Variants in DPP6 observed in about 807,000 individuals in gnomAD.
The protein encoded by DPP6 is dipeptidyl peptidase like 6.
In DPP6, 69 loss-of-function variants were observed where a neutral mutation model predicts 122.6. That is an observed-to-expected ratio of 0.56 (90% CI 0.46 to 0.69). The LOEUF is 0.69. Ranked by LOEUF, DPP6 falls within the 30% of genes least tolerant of loss-of-function variation. DPP6 has a pLI of 0.00. For synonymous variants in DPP6, 418 were observed against 433.1 expected (o/e 0.97, Z 0.43); for missense variants, 928 against 1,116.9 (o/e 0.83, Z 2.41).
At chr7:154,336,754 C>T (rs1021521624) in intron 1 of DPP6, among the ~76,000 whole-genome samples, 2 of 152,024 alleles carry the variant, frequency 1.3e-5, no homozygotes, top group Non-Finnish European at 2.9e-5. Context: ...GGGAGTTGGG[C>T]GGGCCATGGT....
At chr7:153,785,045 A>G in the DPP6 span, among the ~76,000 whole-genome samples, 2 of 152,214 alleles carry the variant, frequency 1.3e-5, no homozygotes. Flanking sequence ...ACAGTAATCA[A>G]TAGTAGATTA....
At chr7:154,338,578 T>G (rs1034261424) in intron 1 of DPP6, among the ~76,000 whole-genome samples, 1 of 152,218 alleles carries the variant, frequency 6.6e-6, no homozygotes, top group African/African-American at 2.4e-5. Context: ...CCAGTGTTAA[T>G]TTCCATCGCT....
intron 1 of DPP6, among the ~76,000 whole-genome samples, chr7:154,252,254 G>A (rs1228247293): frequency 1.3e-5 from 2 of 152,112 alleles, no homozygotes; most frequent in African/African-American, 4.8e-5. Flanking sequence ...GCGCACGGTG[G>A]TGGTGGTTGT....
At chr7:153,763,776 G>A in the DPP6 span, among the ~76,000 whole-genome samples, 14 of 152,288 alleles carry the variant, frequency 9.2e-5, no homozygotes, top group Non-Finnish European at 1.5e-4. Flanking sequence ...ACTGCCCAAC[G>A]GGTCTCAGAA....
chr7:154,456,069 C>T (rs931427806), intron 2 of DPP6, among the ~76,000 whole-genome samples: 2 of 152,172 alleles, frequency 1.3e-5, no homozygotes, highest in Non-Finnish European at 2.9e-5. Flanking sequence ...GCAGAGTTAC[C>T]ATACCATGTC....
intron 2 of DPP6, among the ~76,000 whole-genome samples, chr7:154,456,249 A>G (rs995049410): frequency 1.3e-5 from 2 of 152,180 alleles, no homozygotes; most frequent in African/African-American, 4.8e-5. Context: ...ACCATTGATC[A>G]CTTCTGCAGA....
intron 4 of DPP6, among the ~76,000 whole-genome samples, chr7:154,559,612 G>A (rs953539163): frequency 6.6e-6 from 1 of 152,062 alleles, no homozygotes; most frequent in Non-Finnish European, 1.5e-5. Flanking sequence ...GGAGCGAGAC[G>A]TGTTTGGAAG....
chr7:153,895,727 T>C (rs1799382253), intron 1 of DPP6, among the ~76,000 whole-genome samples: 1 of 78,184 alleles, frequency 1.3e-5, no homozygotes, highest in South Asian at 5.5e-4. Context: ...TGTGCATGCG[T>C]GCACACACAC....
intron 5 of DPP6, among the ~76,000 whole-genome samples, chr7:154,575,385 TGTGTGTGTA>T (rs1403391043): frequency 2.5e-5 from 2 of 79,886 alleles, no homozygotes; most frequent in Non-Finnish European, 4.9e-5. Flanking sequence ...ATGTGTGTGA[TGTGTGTGTA>T]GTGTGTGTGT....
intron 16 of DPP6, among the ~76,000 whole-genome samples, chr7:154,837,328 CAT>C (rs1801160312): frequency 6.6e-6 from 1 of 150,870 alleles, no homozygotes. Context: ...CATGCACACA[CAT>C]GCATAACATG....
chr7:154,101,457 A>G (rs1805718273), intron 1 of DPP6, among the ~76,000 whole-genome samples: 1 of 150,638 alleles, frequency 6.6e-6, no homozygotes, highest in Admixed American at 6.6e-5. Context: ...ATTCCACACA[A>G]TGGAAAGAGA....
intron 1 of DPP6, among the ~76,000 whole-genome samples, chr7:154,023,057 G>A (rs1487143455): frequency 6.6e-6 from 1 of 151,996 alleles, no homozygotes; most frequent in African/African-American, 2.4e-5. Flanking sequence ...AAGCTAGGAT[G>A]ACCTCTGGAT....
chr7:154,076,175 C>T lies in DPP6; in HGVS notation c.243+23112C>T, dbSNP rs3901691. 5.9e-3 allele frequency among the ~76,000 whole-genome samples: 883 copies of T among 150,314 alleles called. 5 individuals are homozygous for T. The highest frequency in any genetic ancestry group is 0.021 in the African/African-American group (847 of 39,768). Reference sequence around the variant, plus strand: ...ATTTTTTTTTAAAAAAAAGGCTGGGCGCAGTGCCTCACACCTATAATCCCA... The same window carrying T: ...ATTTTTTTTTAAAAAAAAGGCTGGGTGCAGTGCCTCACACCTATAATCCCA... On this transcript the variant is annotated intron_variant, in intron 1 of 25. Transcript: ENST00000377770.
intron 6 of DPP6, among the ~76,000 whole-genome samples, chr7:154,663,676 TG>T (rs1257636507): frequency 2.1e-5 from 1 of 46,708 alleles, no homozygotes; most frequent in Non-Finnish European, 8.3e-5. Flanking sequence ...CATATAGTCA[TG>T]GTGAATCACC....
rs1224989457 is a variant in DPP6 at position 154,624,740 on chromosome 7, A to G, written c.628-13081A>G. Among the ~76,000 whole-genome samples the G allele has an allele frequency of 6.6e-6, 1 of 152,214 alleles. No homozygotes were observed. The highest frequency in any genetic ancestry group is 1.5e-5 in the Non-Finnish European group (1 of 68,038). Reference sequence around the variant, plus strand: ...TGGAGCCTAGGAAACAGTGTCTCCCAGGAAGAAACCTGTTAATCTGCACCA... The same window carrying G: ...TGGAGCCTAGGAAACAGTGTCTCCCGGGAAGAAACCTGTTAATCTGCACCA... On this transcript the variant is annotated intron_variant, in intron 5 of 25. Coordinates refer to ENST00000377770, the MANE Select transcript of DPP6 (RefSeq NM_130797.4). The surrounding 1 kb of genome is among the most constrained non-coding windows in gnomAD (Gnocchi z 4.7).
chr7:154,028,694 T>G (rs28683511), intron 1 of DPP6, among the ~76,000 whole-genome samples: 5,417 of 151,592 alleles, frequency 0.036, 72 homozygotes, highest in South Asian at 0.07. Flanking sequence ...AAGAAGCTGA[T>G]AGAAGCAGAT....
At chr7:153,900,801 C>T (rs897764887) in intron 1 of DPP6, among the ~76,000 whole-genome samples, 1 of 152,150 alleles carries the variant, frequency 6.6e-6, no homozygotes, top group Admixed American at 6.5e-5. Flanking sequence ...TTTTTATTTT[C>T]AGCCTTATCC....
At chr7:153,974,687 C>G (rs1422220675) in intron 1 of DPP6, among the ~76,000 whole-genome samples, 1 of 152,214 alleles carries the variant, frequency 6.6e-6, no homozygotes, top group African/African-American at 2.4e-5. Flanking sequence ...TTGCAAAGTG[C>G]TTGAACATTC....
chr7:154,708,690 A>G (rs914800282), intron 7 of DPP6, among the ~76,000 whole-genome samples: 1 of 152,354 alleles, frequency 6.6e-6, no homozygotes, highest in South Asian at 2.1e-4. Flanking sequence ...ATGTCAAATA[A>G]TAAGGGATTA....
Sources: gnomAD v4.1 joint callset for allele counts (sites outside exome capture counted in the v4.1 genomes callset) on GRCh38, gnomAD v4.1.1 for gene constraint, Gnocchi (gnomAD v3.1) non-coding constraint, MANE v1.5 for transcripts, NCBI Gene and HGNC (gene_info 2026-07-23, HGNC 2026-07-21) for gene names.